CNTNAP5: variants seen among roughly 807,000 people sequenced by gnomAD.
CNTNAP5 encodes contactin-associated protein-like 5.
A neutral mutation model predicts 150.2 loss-of-function variants in CNTNAP5; 72 were observed. That is an observed-to-expected ratio of 0.48 (90% CI 0.40 to 0.58). The LOEUF is 0.58. Ranked by LOEUF, CNTNAP5 falls within the 20% of genes least tolerant of loss-of-function variation. The probability of loss-of-function intolerance (pLI) is 0.00; values close to 1 mark genes in which losing one functional copy is unlikely to be tolerated. For missense variants in CNTNAP5, 1,636 were observed against 1,626.2 expected (o/e 1.01, Z -0.10); for synonymous variants, 672 against 619.8 (o/e 1.08, Z -1.25).
chr2:124,839,916 C>A (rs547038694), intron 19 of CNTNAP5, among the ~76,000 whole-genome samples: 1 of 152,150 alleles, frequency 6.6e-6, no homozygotes. Flanking sequence ...AAGGAAAACA[C>A]ACTTGTCTCT....
intron 3 of CNTNAP5, among the ~76,000 whole-genome samples, chr2:124,286,146 G>T (rs1347038042): frequency 2.6e-5 from 4 of 152,142 alleles, no homozygotes; most frequent in Non-Finnish European, 5.9e-5. Flanking sequence ...CCAAAAGCCG[G>T]AAAGGTAAAA....
chr2:124,449,507 G>A lies in CNTNAP5; in HGVS notation c.918+2570G>A, dbSNP rs548233263. ...TGCCAGATTTAATGTTTATTTACAA[G>A]CCCATGTCTGCTTATCTTTTGTCTC... On this transcript the variant is annotated intron_variant, in intron 6 of 23. Coordinates refer to ENST00000682447, the MANE Select transcript of CNTNAP5 (RefSeq NM_001367498.1). 3.3e-5 allele frequency among the ~76,000 whole-genome samples: 5 copies of A among 152,224 alleles called. No homozygotes were observed. The South Asian group carries it at 1.0e-3, about 32-fold the overall frequency.
chr2:124,217,025 A>G (rs1686176198), intron 1 of CNTNAP5, among the ~76,000 whole-genome samples: 2 of 152,142 alleles, frequency 1.3e-5, no homozygotes, highest in South Asian at 4.1e-4. Context: ...AAGTGTTCCT[A>G]TCAGAGTTTT....
chr2:124,703,083 T>C (rs941250262), intron 13 of CNTNAP5, among the ~76,000 whole-genome samples: 2 of 151,964 alleles, frequency 1.3e-5, no homozygotes, highest in Non-Finnish European at 2.9e-5. Context: ...TAAACCTCCA[T>C]ATGAATTCAG....
chr2:124,392,720 G>A (rs112391740), intron 3 of CNTNAP5, among the ~76,000 whole-genome samples: 9 of 134,366 alleles, frequency 6.7e-5, no homozygotes, highest in Admixed American at 1.4e-4. Context: ...AGGAAAAGAA[G>A]GAGGGGAGGA....
chr2:124,198,592 C>A (rs1685646177), intron 1 of CNTNAP5, among the ~76,000 whole-genome samples: 1 of 152,082 alleles, frequency 6.6e-6, no homozygotes, highest in Admixed American at 6.6e-5. Context: ...TAGGAGTTCC[C>A]AGCGTCTATT....
At chr2:124,585,271 A>T (rs185717378) in intron 11 of CNTNAP5, among the ~76,000 whole-genome samples, 2 of 152,294 alleles carry the variant, frequency 1.3e-5, no homozygotes, top group East Asian at 3.9e-4. Context: ...TGAGAATCAC[A>T]TGGGAAGTTC....
intron 1 of CNTNAP5, among the ~76,000 whole-genome samples, chr2:124,131,145 T>C (rs1341032884): frequency 6.6e-6 from 1 of 152,218 alleles, no homozygotes; most frequent in Non-Finnish European, 1.5e-5. Flanking sequence ...GTTATTGTAC[T>C]GACCCTGATG....
At chr2:124,232,442 G>A (rs958232815) in intron 2 of CNTNAP5, among the ~76,000 whole-genome samples, 1 of 152,040 alleles carries the variant, frequency 6.6e-6, no homozygotes, top group Non-Finnish European at 1.5e-5. Context: ...TAAACATTGT[G>A]GACATGTCCT....
At chr2:124,605,974 T>G (rs913805365) in intron 11 of CNTNAP5, among the ~76,000 whole-genome samples, 2 of 152,048 alleles carry the variant, frequency 1.3e-5, no homozygotes, top group African/African-American at 4.8e-5. Flanking sequence ...CCTCCCACAT[T>G]TTTCTCTCTC....
intron 3 of CNTNAP5, among the ~76,000 whole-genome samples, chr2:124,369,189 A>G (rs115346376): frequency 2.9e-3 from 439 of 152,196 alleles, no homozygotes; most frequent in Non-Finnish European, 4.7e-3. Context: ...TACCCATCCA[A>G]TTGTTTCAGG....
At position 124,147,642 on chromosome 2, in the gene CNTNAP5, G is replaced by A. The variant is rs535215599; in HGVS notation, c.83-74063G>A. Among the ~76,000 whole-genome samples, 7 of 152,330 alleles carry A rather than the reference G, an allele frequency of 4.6e-5. No individual in the cohort carries two copies. In the East Asian group the frequency reaches 9.6e-4, roughly 21 times the overall value. ...TTGCTCCAGATGTCCTTCTGACAGC[G>A]CTACAGCTCTGGAGTGGGTTTGAAA... On this transcript the variant is annotated intron_variant, in intron 1 of 23. Transcript: ENST00000682447.
In CNTNAP5 at chr2:124,316,410, A is replaced by G. The variant is rs943178811; in HGVS notation, c.381+74017A>G. Among the ~76,000 whole-genome samples the G allele has an allele frequency of 5.3e-5, 8 of 152,194 alleles. No homozygotes were observed. In the East Asian group the frequency reaches 5.8e-4, roughly 11 times the overall value. ...AATTGGTGATAAATATCTATAATAC[A>G]TAAGTCACAGGACTGTTAAAAGGTT... On this transcript the variant is annotated intron_variant, in intron 3 of 23. Transcript: ENST00000682447.
intron 19 of CNTNAP5, among the ~76,000 whole-genome samples, chr2:124,799,355 A>G (rs1465588297): frequency 2.0e-5 from 3 of 152,244 alleles, no homozygotes; most frequent in Non-Finnish European, 1.5e-5. Context: ...TCCACCCTGC[A>G]AGGATGACTA....
chr2:124,700,808 A>C (rs1043604960), intron 13 of CNTNAP5, among the ~76,000 whole-genome samples: 1 of 152,146 alleles, frequency 6.6e-6, no homozygotes, highest in African/African-American at 2.4e-5. Context: ...GTATATATTT[A>C]AGGTATACAA....
chr2:124,108,108 T>C (rs1003622160), intron 1 of CNTNAP5, among the ~76,000 whole-genome samples: 1 of 152,216 alleles, frequency 6.6e-6, no homozygotes, highest in Non-Finnish European at 1.5e-5. Flanking sequence ...GATGGCTGTC[T>C]GTCCTGCACC....
chr2:124,459,142 G>T (rs556820712), intron 6 of CNTNAP5, among the ~76,000 whole-genome samples: 1 of 152,264 alleles, frequency 6.6e-6, no homozygotes, highest in East Asian at 1.9e-4. Context: ...TATCAAAAAG[G>T]GATTTGATTA....
chr2:124,685,764 G>GCA (rs71302055), intron 13 of CNTNAP5, among the ~76,000 whole-genome samples: 6 of 98,532 alleles, frequency 6.1e-5, no homozygotes, highest in African/African-American at 1.7e-4. Context: ...GTGTGTGTGC[G>GCA]CGCGCGTGTT....
intron 21 of CNTNAP5, among the ~76,000 whole-genome samples, chr2:124,883,957 CAT>C (rs74982148): frequency 0.11 from 16,631 of 152,012 alleles, 1,028 homozygotes; most frequent in African/African-American, 0.15. Flanking sequence ...TACATGTACA[CAT>C]ATGTTTCTTT....
Sources: gnomAD v4.1 joint callset for allele counts (sites outside exome capture counted in the v4.1 genomes callset) on GRCh38, gnomAD v4.1.1 for gene constraint, MANE v1.5 for transcripts, NCBI Gene and HGNC (gene_info 2026-07-23, HGNC 2026-07-21) for gene names.